The following HEMK2 variants were observed in gnomAD, a reference collection of about 807,000 sequenced individuals.
The protein encoded by HEMK2 is HemK methyltransferase 2, ETF1 glutamine and histone H4 lysine.
At chr21:28,855,981 T>C in the HEMK2 span, among the ~76,000 whole-genome samples, 5 of 150,340 alleles carry the variant, frequency 3.3e-5, no homozygotes, top group Non-Finnish European at 7.4e-5. Context: ...CGAACCAAAC[T>C]AGCAGAAGAC....
At chr21:28,810,847 T>C in the HEMK2 span, among the ~76,000 whole-genome samples, 1 of 152,202 alleles carries the variant, frequency 6.6e-6, no homozygotes, top group Admixed American at 6.5e-5. Context: ...TATAAGCATG[T>C]CTGCTCCCCA....
chr21:28,822,917 G>A, the HEMK2 span, among the ~76,000 whole-genome samples: 2 of 152,042 alleles, frequency 1.3e-5, no homozygotes, highest in African/African-American at 2.4e-5. Flanking sequence ...TGTACTGCTT[G>A]CTGACAACTG....
the HEMK2 span, among the ~76,000 whole-genome samples, chr21:28,588,800 G>A: frequency 5.9e-5 from 9 of 151,878 alleles, no homozygotes; most frequent in African/African-American, 1.5e-4. Context: ...TGGCTAACAC[G>A]CTGAAACCCT....
At chr21:28,724,781 GTT>G in the HEMK2 span, among the ~76,000 whole-genome samples, 1 of 151,910 alleles carries the variant, frequency 6.6e-6, no homozygotes, top group Non-Finnish European at 1.5e-5. Context: ...TTTTGTTTTT[GTT>G]TTTGTTTTTG....
chr21:28,835,000 G>A, the HEMK2 span, among the ~76,000 whole-genome samples: 1 of 152,058 alleles, frequency 6.6e-6, no homozygotes, highest in African/African-American at 2.4e-5. Flanking sequence ...ACCCACCCAA[G>A]GAGAGCCTGA....
At chr21:28,626,240 G>A in the HEMK2 span, among the ~76,000 whole-genome samples, 1 of 152,172 alleles carries the variant, frequency 6.6e-6, no homozygotes, top group Non-Finnish European at 1.5e-5. Flanking sequence ...TTATTGCAAT[G>A]AGAAGTGTAT....
At chr21:28,747,783 C>G in the HEMK2 span, among the ~76,000 whole-genome samples, 1 of 152,196 alleles carries the variant, frequency 6.6e-6, no homozygotes, top group Non-Finnish European at 1.5e-5. Context: ...TTATCCTTTG[C>G]AACAAGGTGC....
chr21:28,606,595 G>A, the HEMK2 span, among the ~76,000 whole-genome samples: 1 of 152,092 alleles, frequency 6.6e-6, no homozygotes, highest in Admixed American at 6.5e-5. Context: ...AGCTGATGAT[G>A]TCCTAAATGG....
chr21:28,718,992 A>G, the HEMK2 span, among the ~76,000 whole-genome samples: 84,430 of 151,934 alleles, frequency 0.56, 26,113 homozygotes, highest in East Asian at 0.84. Context: ...AAACCTACTC[A>G]TGCCCCACAA....
the HEMK2 span, among the ~76,000 whole-genome samples, chr21:28,861,795 C>T: frequency 2.6e-5 from 4 of 152,304 alleles, no homozygotes; most frequent in Middle Eastern, 0.01. Context: ...GTTTCTCTCA[C>T]AGCCAGGATT....
At chr21:28,643,685 C>T in the HEMK2 span, among the ~76,000 whole-genome samples, 37 of 152,248 alleles carry the variant, frequency 2.4e-4, no homozygotes, top group African/African-American at 8.7e-4. Context: ...CAGGTCCTTA[C>T]CAGACACCTA....
At chr21:28,863,555 G>A in the HEMK2 span, among the ~76,000 whole-genome samples, 16 of 149,612 alleles carry the variant, frequency 1.1e-4, no homozygotes, top group South Asian at 2.8e-3. Context: ...TGAGAAAATG[G>A]TAAGTGGTGT....
the HEMK2 span, among the ~76,000 whole-genome samples, chr21:28,792,691 A>G: frequency 6.6e-6 from 1 of 152,178 alleles, no homozygotes; most frequent in Non-Finnish European, 1.5e-5. Flanking sequence ...CCCTAGAGTG[A>G]CATGGCAATG....
the HEMK2 span, among the ~76,000 whole-genome samples, chr21:28,663,210 G>C: frequency 2.0e-4 from 30 of 152,190 alleles, no homozygotes; most frequent in Non-Finnish European, 3.1e-4. Flanking sequence ...AAATGAGAAA[G>C]TGCAATGATA....
At chr21:28,840,562 C>T in the HEMK2 span, among the ~76,000 whole-genome samples, 1 of 152,072 alleles carries the variant, frequency 6.6e-6, no homozygotes, top group Admixed American at 6.6e-5. Flanking sequence ...ATAGACAATT[C>T]TCAAAAGAAG....
At chr21:28,792,752 C>T in the HEMK2 span, among the ~76,000 whole-genome samples, 3 of 152,170 alleles carry the variant, frequency 2.0e-5, no homozygotes, top group Non-Finnish European at 2.9e-5. Context: ...ATCAATACTG[C>T]GTCTTCTCTT....
At chr21:28,826,095 A>G in the HEMK2 span, among the ~76,000 whole-genome samples, 2 of 152,138 alleles carry the variant, frequency 1.3e-5, no homozygotes, top group Non-Finnish European at 2.9e-5. Flanking sequence ...ACGTTAAATG[A>G]CTCCTCAGGC....
the HEMK2 span, among the ~76,000 whole-genome samples, chr21:28,777,478 G>A: frequency 3.3e-5 from 5 of 152,134 alleles, no homozygotes; most frequent in African/African-American, 1.2e-4. Context: ...GTCTACAAAG[G>A]AAATGAGTCC....
At chr21:28,642,147 T>C in the HEMK2 span, among the ~76,000 whole-genome samples, 1 of 152,194 alleles carries the variant, frequency 6.6e-6, no homozygotes, top group Non-Finnish European at 1.5e-5. Flanking sequence ...TGAATACTAG[T>C]AGTCCATTAA....
Sources: allele counts gnomAD v4.1 joint callset (sites outside exome capture counted in the v4.1 genomes callset), GRCh38; gene constraint gnomAD v4.1.1; transcripts MANE v1.5; gene names NCBI Gene and HGNC (gene_info 2026-07-23, HGNC 2026-07-21).